Variants in ERC2 observed in about 807,000 individuals in gnomAD.
The protein encoded by ERC2 is ERC protein 2.
ERC2 carries 42 observed loss-of-function variants against 114.8 expected under a neutral mutation model. That is an observed-to-expected ratio of 0.37 (90% CI 0.29 to 0.47). The LOEUF (loss-of-function observed/expected upper bound fraction) is 0.47, where lower values mean the gene tolerates loss of function less well. Among genes scored for constraint, ERC2 ranks in the 20% least tolerant of loss-of-function variants. The pLI is 0.99. For synonymous variants in ERC2, 454 were observed against 425.5 expected, an observed-to-expected ratio of 1.07 and a Z score of -0.82; for missense variants, 939 against 1,150.7, an observed-to-expected ratio of 0.82 and a Z score of 2.66.
intron 14 of ERC2, among the ~76,000 whole-genome samples, chr3:55,840,203 TA>T (rs1215457824): frequency 6.6e-6 from 1 of 152,006 alleles, no homozygotes; most frequent in African/African-American, 2.4e-5. Context: ...GTCCCCACAC[TA>T]GGTGAAAAGA....
chr3:55,610,073 A>AC (rs2058832304), intron 17 of ERC2, among the ~76,000 whole-genome samples: 1 of 151,420 alleles, frequency 6.6e-6, no homozygotes, highest in Non-Finnish European at 1.5e-5. Context: ...ACAAAAAAAA[A>AC]AAAAAAAAAA....
intron 14 of ERC2, among the ~76,000 whole-genome samples, chr3:55,810,808 T>A (rs970859282): frequency 6.6e-6 from 1 of 152,194 alleles, no homozygotes; most frequent in Non-Finnish European, 1.5e-5. Context: ...GATACCTTAA[T>A]GGGTATATTG....
intron 2 of ERC2, among the ~76,000 whole-genome samples, chr3:56,345,172 AC>A (rs1186550430): frequency 2.0e-5 from 3 of 152,212 alleles, no homozygotes; most frequent in Non-Finnish European, 4.4e-5. Flanking sequence ...CCCATAGCTG[AC>A]CCAGACCAGA....
intron 12 of ERC2, among the ~76,000 whole-genome samples, chr3:55,973,841 G>A (rs1283796922): frequency 6.6e-6 from 1 of 152,166 alleles, no homozygotes; most frequent in Non-Finnish European, 1.5e-5. Flanking sequence ...GAAAGGTCTT[G>A]TGTGTTTTTA....
chr3:55,734,898 G>A lies in ERC2; in HGVS notation c.2585C>T (p.Ala862Val), dbSNP rs774043100. The change falls in exon 15 of 18, where the codon GCC (alanine) becomes GTC (valine). Residue 862 changes from alanine to valine, a missense_variant. Physicochemically the swap from Ala to Val is moderately conservative, Grantham distance 64. Around this residue, in one of 5 missense-constraint regions of ERC2, gnomAD observed 328 missense variants for 353.9 expected, o/e 0.93. Transcript: ENST00000288221. Reference sequence around the variant, plus strand: ...AATGTTTGCATCTTTTTCACTGATGGCTGCAAGTAGTGCTTCCTGTCTGGT... The same window carrying A: ...AATGTTTGCATCTTTTTCACTGATGACTGCAAGTAGTGCTTCCTGTCTGGT... ...LEMKQEALLA[A>V]ISEKDANIAL... 22 of 1,603,296 alleles carry A rather than the reference G, an allele frequency of 1.4e-5. No homozygotes were observed. The highest frequency in any genetic ancestry group is 1.9e-5 in the Non-Finnish European group (22 of 1,174,750).
intron 7 of ERC2, among the ~76,000 whole-genome samples, chr3:56,063,323 T>C (rs950590864): frequency 6.6e-6 from 1 of 152,172 alleles, no homozygotes; most frequent in Non-Finnish European, 1.5e-5. Flanking sequence ...TTAAAACACA[T>C]AGAACTGTAC....
intron 15 of ERC2, among the ~76,000 whole-genome samples, chr3:55,704,747 T>TGC (rs2063395375): frequency 3.3e-5 from 5 of 152,188 alleles, no homozygotes; most frequent in Non-Finnish European, 7.3e-5. Context: ...ATTAAAGGAA[T>TGC]GTGCCGCATT....
chr3:55,716,046 C>CA (rs2064103582), intron 15 of ERC2, among the ~76,000 whole-genome samples: 1 of 152,176 alleles, frequency 6.6e-6, no homozygotes, highest in Non-Finnish European at 1.5e-5. Context: ...AATGACCCAG[C>CA]AATCTAATCT....
rs115200563 is a variant in ERC2 at position 55,626,082 on chromosome 3, A to G, written c.*39+57712T>C. 1.9e-3 allele frequency among the ~76,000 whole-genome samples: 291 copies of G among 152,336 alleles called. 1 individual carries two copies. Among genetic ancestry groups the G allele is most frequent in the Middle Eastern group, 3.4e-3 (1 of 294 alleles). On this transcript the variant is annotated intron_variant, in intron 17 of 17. Coordinates refer to ENST00000288221, the MANE Select transcript of ERC2 (RefSeq NM_015576.3). ...CGCTTCCCAGAGTCCATCTTGCACA[A>G]TACAAATTACAGAAGTGAGTTGCAT...
intron 13 of ERC2, among the ~76,000 whole-genome samples, chr3:55,929,116 C>A (rs2065922574): frequency 1.3e-5 from 2 of 152,132 alleles, no homozygotes; most frequent in South Asian, 4.2e-4. Context: ...GAGAGGCTCC[C>A]AGTTTGAACC....
chr3:56,227,412 CT>C (rs796088195), intron 3 of ERC2, among the ~76,000 whole-genome samples: 1,776 of 135,864 alleles, frequency 0.013, 25 homozygotes, highest in African/African-American at 0.035. Flanking sequence ...CCTCTCTGCT[CT>C]TTTTTTTTTT....
intron 3 of ERC2, among the ~76,000 whole-genome samples, chr3:56,246,031 A>T (rs1284560762): frequency 6.6e-6 from 1 of 150,690 alleles, no homozygotes; most frequent in Non-Finnish European, 1.5e-5. Context: ...CCTAAAAGCG[A>T]CTTCTTTTAT....
rs1387252575 is a variant in ERC2, at chr3:56,080,940, G to A, written c.1518C>T (p.Leu506=). 1.9e-6 allele frequency: 3 copies of A among 1,612,940 alleles called. No homozygotes were observed. The Admixed American group carries it at 5.0e-5, about 27-fold the overall frequency. Residue 506 remains leucine, a synonymous_variant, in exon 7 of 18, where the codon CTC becomes CTT. Coordinates refer to ENST00000288221, the MANE Select transcript of ERC2 (RefSeq NM_015576.3). ...RLRLEEKESF[L]NKKTKQLQDL... The stretch of plus-strand genomic sequence containing the variant: ...CCTGTAGCTGTTTTGTTTTTTTATT[G>A]AGGAAAGATTCTTTTTCTTCCAGTC...
chr3:56,444,844 C>CT (rs998044009), intron 1 of ERC2, among the ~76,000 whole-genome samples: 2 of 151,992 alleles, frequency 1.3e-5, no homozygotes, highest in African/African-American at 4.8e-5. Context: ...TTAAAATATC[C>CT]TTTTTTTTCT....
At chr3:56,337,149 A>C (rs1576485511) in intron 2 of ERC2, among the ~76,000 whole-genome samples, 1 of 152,154 alleles carries the variant, frequency 6.6e-6, no homozygotes, top group East Asian at 1.9e-4. Flanking sequence ...AAGGAAACTT[A>C]ATAAACGCTT....
At chr3:55,853,229 T>G (rs1021422084) in intron 14 of ERC2, among the ~76,000 whole-genome samples, 1 of 151,988 alleles carries the variant, frequency 6.6e-6, no homozygotes, top group Admixed American at 6.6e-5. Context: ...AAGATACACA[T>G]AGAAAGCACT....
At chr3:55,982,615 G>A (rs889170545) in intron 12 of ERC2, among the ~76,000 whole-genome samples, 7 of 152,092 alleles carry the variant, frequency 4.6e-5, no homozygotes, top group Non-Finnish European at 7.4e-5. Context: ...ATGTCACACC[G>A]CATTTCTTAA....
intron 7 of ERC2, among the ~76,000 whole-genome samples, chr3:56,027,817 G>C (rs2074137877): frequency 6.6e-6 from 1 of 152,088 alleles, no homozygotes; most frequent in African/African-American, 2.4e-5. Flanking sequence ...CAATTTATCA[G>C]TCTTTCCTTT....
chr3:55,765,436 A>G (rs1232878804), intron 14 of ERC2, among the ~76,000 whole-genome samples: 1 of 152,232 alleles, frequency 6.6e-6, no homozygotes, highest in African/African-American at 2.4e-5. Context: ...ATTCATACTT[A>G]ATCTAGAGAT....
Sources: gnomAD v4.1 joint callset for allele counts (sites outside exome capture counted in the v4.1 genomes callset) on GRCh38, gnomAD v4.1.1 for gene constraint, gnomAD v4.1.1 regional missense constraint, MANE v1.5 for transcripts, NCBI Gene and HGNC (gene_info 2026-07-23, HGNC 2026-07-21) for gene names.